Variants in RPS6KC1 observed in about 807,000 individuals in gnomAD.
The protein encoded by RPS6KC1 is inactive ribosomal protein S6 kinase delta-1.
A neutral mutation model predicts 103.8 loss-of-function variants in RPS6KC1; 54 were observed. That is an observed-to-expected ratio of 0.52 (90% CI 0.42 to 0.65). RPS6KC1 has a LOEUF of 0.65. Ranked by LOEUF, RPS6KC1 falls within the 30% of genes least tolerant of loss-of-function variation. The pLI is 0.00. For synonymous variants in RPS6KC1, 439 were observed against 438.7 expected (o/e 1.00, Z -0.01); for missense variants, 1,151 against 1,253.8 (o/e 0.92, Z 1.24).
intron 3 of RPS6KC1, among the ~76,000 whole-genome samples, chr1:213,081,410 G>A (rs994485992): frequency 6.6e-6 from 1 of 152,062 alleles, no homozygotes; most frequent in Admixed American, 6.6e-5. Context: ...AACTAAGAGT[G>A]AGAACCAGCA....
the RPS6KC1 span, among the ~76,000 whole-genome samples, chr1:213,461,949 A>G: frequency 1.3e-5 from 2 of 152,220 alleles, no homozygotes; most frequent in Admixed American, 1.3e-4. Context: ...GAGCTTCTGC[A>G]CAGCAAAAGA....
At chr1:213,086,069 G>A (rs2080366895) in intron 3 of RPS6KC1, among the ~76,000 whole-genome samples, 1 of 152,112 alleles carries the variant, frequency 6.6e-6, no homozygotes. Flanking sequence ...TAAAGACTAT[G>A]CTGCTTCTCA....
At chr1:213,792,224 T>C in the RPS6KC1 span, among the ~76,000 whole-genome samples, 11 of 152,298 alleles carry the variant, frequency 7.2e-5, 1 homozygote, top group South Asian at 2.3e-3. Context: ...GGTATGTAAC[T>C]GTTTTGAACA....
chr1:213,854,576 C>CTCTT, the RPS6KC1 span, among the ~76,000 whole-genome samples: 2 of 138,304 alleles, frequency 1.4e-5, no homozygotes, highest in Non-Finnish European at 3.1e-5. Context: ...CTCTCTCTCT[C>CTCTT]TCTTTCTTTC....
At chr1:213,498,152 T>C in the RPS6KC1 span, among the ~76,000 whole-genome samples, 1 of 152,208 alleles carries the variant, frequency 6.6e-6, no homozygotes, top group African/African-American at 2.4e-5. Context: ...TCTTATACCA[T>C]ATCTGACAAA....
intron 2 of RPS6KC1, among the ~76,000 whole-genome samples, chr1:213,071,662 C>G (rs1026127826): frequency 6.6e-6 from 1 of 152,126 alleles, no homozygotes; most frequent in Non-Finnish European, 1.5e-5. Flanking sequence ...ATTTCAAGAT[C>G]ATAATGCCTG....
chr1:213,537,156 TC>T, the RPS6KC1 span, among the ~76,000 whole-genome samples: 1 of 152,158 alleles, frequency 6.6e-6, no homozygotes, highest in African/African-American at 2.4e-5. Flanking sequence ...TCTCAGGGCC[TC>T]CATTCTCTGT....
the RPS6KC1 span, among the ~76,000 whole-genome samples, chr1:213,337,923 G>A: frequency 2.0e-5 from 3 of 152,120 alleles, no homozygotes; most frequent in African/African-American, 7.2e-5. Flanking sequence ...CAATTTCTGT[G>A]AAGACAGTGA....
At chr1:213,170,050 TG>T (rs1204384158) in intron 7 of RPS6KC1, among the ~76,000 whole-genome samples, 1 of 152,172 alleles carries the variant, frequency 6.6e-6, no homozygotes, top group Non-Finnish European at 1.5e-5. Context: ...GCAAAGTGCT[TG>T]TGATTACAGG....
intron 4 of RPS6KC1, 21 bp downstream of exon 4, chr1:213,104,590 T>C (rs778363340): frequency 7.7e-7 from 1 of 1,305,032 alleles, no homozygotes; most frequent in South Asian, 1.3e-5. Context: ...CTTTCTGGAA[T>C]ATTTTATATC....
chr1:213,453,946 A>G, the RPS6KC1 span, among the ~76,000 whole-genome samples: 1 of 152,260 alleles, frequency 6.6e-6, no homozygotes, highest in Non-Finnish European at 1.5e-5. Flanking sequence ...ACTTGCGGAC[A>G]AACCATGTAG....
At chr1:213,343,554 C>A in the RPS6KC1 span, among the ~76,000 whole-genome samples, 1 of 150,464 alleles carries the variant, frequency 6.6e-6, no homozygotes, top group Non-Finnish European at 1.5e-5. Flanking sequence ...GAAAGAAAAA[C>A]CAAACGTTGT....
the RPS6KC1 span, among the ~76,000 whole-genome samples, chr1:213,790,188 G>C: frequency 6.6e-6 from 1 of 152,144 alleles, no homozygotes; most frequent in African/African-American, 2.4e-5. Flanking sequence ...AGGTAGAGTG[G>C]TGGTAGTGGT....
chr1:213,180,143 A>G (rs1227067253), intron 8 of RPS6KC1, among the ~76,000 whole-genome samples: 1 of 151,888 alleles, frequency 6.6e-6, no homozygotes, highest in African/African-American at 2.4e-5. Context: ...CCAGAAAACA[A>G]GGAAATGTTT....
the RPS6KC1 span, among the ~76,000 whole-genome samples, chr1:213,602,864 G>A: frequency 1.3e-5 from 2 of 152,260 alleles, no homozygotes; most frequent in South Asian, 4.1e-4. Context: ...AGAGCAAGAG[G>A]TACCCTTTAT....
the RPS6KC1 span, among the ~76,000 whole-genome samples, chr1:213,483,267 C>A: frequency 6.6e-6 from 1 of 152,156 alleles, no homozygotes; most frequent in African/African-American, 2.4e-5. Flanking sequence ...GATTCAATTA[C>A]CACCCACTGG....
At chr1:213,448,494 A>G in the RPS6KC1 span, among the ~76,000 whole-genome samples, 2 of 152,054 alleles carry the variant, frequency 1.3e-5, no homozygotes, top group African/African-American at 4.8e-5. Context: ...CCCTCAAATT[A>G]CTGTGTCCAG....
chr1:213,546,012 G>A, the RPS6KC1 span, among the ~76,000 whole-genome samples: 1 of 152,120 alleles, frequency 6.6e-6, no homozygotes, highest in East Asian at 1.9e-4. Context: ...TTGATACTGG[G>A]CTAGGGTGAC....
chr1:213,208,074 C>G (rs914645085), intron 8 of RPS6KC1, among the ~76,000 whole-genome samples: 3 of 152,158 alleles, frequency 2.0e-5, no homozygotes, highest in Non-Finnish European at 1.5e-5. Flanking sequence ...TTTCTTTGCT[C>G]TTGTATGTTA....
Sources: gnomAD v4.1 joint callset for allele counts (sites outside exome capture counted in the v4.1 genomes callset) on GRCh38, gnomAD v4.1.1 for gene constraint, MANE v1.5 for transcripts, NCBI Gene and HGNC (gene_info 2026-07-23, HGNC 2026-07-21) for gene names.